ACSM1: variants seen among roughly 807,000 people sequenced by gnomAD.
ACSM1 encodes acyl-coenzyme A synthetase ACSM1, mitochondrial.
Under a neutral mutation model 75.8 loss-of-function variants are expected in ACSM1, and 79 were observed. That is an observed-to-expected ratio of 1.04 (90% CI 0.87 to 1.26). The LOEUF (loss-of-function observed/expected upper bound fraction) is 1.26. ACSM1 is among the 50% of genes most tolerant of loss of function. ACSM1 has a pLI of 0.00. For missense variants in ACSM1, 676 were observed against 720.1 expected, an observed-to-expected ratio of 0.94 and a Z score of 0.70; for synonymous variants, 279 against 265.8, an observed-to-expected ratio of 1.05 and a Z score of -0.48.
intron 4 of ACSM1, among the ~76,000 whole-genome samples, chr16:20,675,866 G>A (rs796383189): frequency 7.2e-5 from 11 of 152,246 alleles, no homozygotes; most frequent in African/African-American, 2.2e-4. Context: ...CTGCGCTGGC[G>A]GCTACGGAGT....
intron 4 of ACSM1, chr16:20,681,193 A>G (rs930458823): frequency 6.6e-6 from 1 of 152,238 alleles, no homozygotes; most frequent in Non-Finnish European, 1.5e-5. Flanking sequence ...TAACCAATGA[A>G]ACATCAAGGG....
chr16:20,695,527 T>C (rs2079684749), intron 1 of ACSM1, among the ~76,000 whole-genome samples: 2 of 152,164 alleles, frequency 1.3e-5, no homozygotes, highest in East Asian at 1.9e-4. Flanking sequence ...AGGACTGGTA[T>C]ATGTCCAGCT....
chr16:20,628,118 G>C (rs2017104666), intron 10 of ACSM1, among the ~76,000 whole-genome samples: 1 of 151,576 alleles, frequency 6.6e-6, no homozygotes, highest in African/African-American at 2.4e-5. Context: ...ATGTTTTTAA[G>C]TTAACTTTTC....
chr16:20,659,836 C>T (rs2019202942), intron 7 of ACSM1, among the ~76,000 whole-genome samples: 1 of 152,172 alleles, frequency 6.6e-6, no homozygotes, highest in Non-Finnish European at 1.5e-5. Flanking sequence ...ACAATCCTTT[C>T]TCTTAACCTG....
intron 10 of ACSM1, among the ~76,000 whole-genome samples, chr16:20,632,179 CAGAATA>C (rs2017391369): frequency 6.6e-6 from 1 of 151,946 alleles, no homozygotes; most frequent in African/African-American, 2.4e-5. Context: ...TTTAGGGAAC[CAGAATA>C]AGAAGAGCAA....
chr16:20,659,449 G>T (rs762793633), intron 7 of ACSM1, among the ~76,000 whole-genome samples: 17 of 152,064 alleles, frequency 1.1e-4, no homozygotes, highest in Admixed American at 2.6e-4. Flanking sequence ...CCTATCTAAG[G>T]TGCCTGGGGA....
intron 7 of ACSM1, among the ~76,000 whole-genome samples, chr16:20,658,356 C>G (rs2019097667): frequency 6.6e-6 from 1 of 152,144 alleles, no homozygotes; most frequent in Admixed American, 6.5e-5. Context: ...CTCTGATGGC[C>G]AGTGATGATG....
intron 1 of ACSM1, among the ~76,000 whole-genome samples, chr16:20,697,070 C>T (rs1489395419): frequency 1.3e-5 from 2 of 152,016 alleles, no homozygotes; most frequent in African/African-American, 4.8e-5. Flanking sequence ...CTGAAGCCAA[C>T]CCCCTCCCCA....
chr16:20,629,990 C>CA lies in ACSM1; in HGVS notation c.1300-2675dup, dbSNP rs558208317. ...CTGGAAACAGAGGGAGACTCCAACT[C>CA]AAAAAAAAAAAAAAAAAGACACAAA... On this transcript the variant is annotated intron_variant, in intron 10 of 13. Coordinates refer to ENST00000520010, the MANE Select transcript of ACSM1 (RefSeq NM_001318890.3). Among the ~76,000 whole-genome samples, 749 of 80,826 alleles carry CA rather than the reference C, an allele frequency of 9.3e-3. 19 individuals carry two copies. Among genetic ancestry groups the CA allele is most frequent in the South Asian group, 0.036 (92 of 2,570 alleles). 53.0% of individuals were successfully genotyped at this position (80,826 alleles called of 152,430 possible).
At chr16:20,647,566 A>G (rs1402576578) in intron 7 of ACSM1, among the ~76,000 whole-genome samples, 6 of 152,194 alleles carry the variant, frequency 3.9e-5, no homozygotes, top group African/African-American at 1.4e-4. Flanking sequence ...TCCAGTTTGA[A>G]TAAGGGCTAA....
chr16:20,626,381 A>G (rs1319800738), intron 11 of ACSM1, among the ~76,000 whole-genome samples: 1 of 151,980 alleles, frequency 6.6e-6, no homozygotes, highest in Non-Finnish European at 1.5e-5. Flanking sequence ...ATAAAATAAA[A>G]AAATAAAAAT....
intron 8 of ACSM1, among the ~76,000 whole-genome samples, chr16:20,639,951 C>G (rs1335541514): frequency 6.6e-6 from 1 of 152,162 alleles, no homozygotes; most frequent in African/African-American, 2.4e-5. Context: ...AACTACATGC[C>G]TCCGCCACAA....
intron 7 of ACSM1, among the ~76,000 whole-genome samples, chr16:20,651,397 G>C (rs1456918894): frequency 1.3e-5 from 2 of 152,160 alleles, no homozygotes; most frequent in Non-Finnish European, 2.9e-5. Flanking sequence ...AGGAGGCCGA[G>C]GTGGGCACAT....
intron 1 of ACSM1, among the ~76,000 whole-genome samples, chr16:20,697,426 G>T (rs887592234): frequency 8.6e-5 from 13 of 151,988 alleles, no homozygotes; most frequent in African/African-American, 3.1e-4. Context: ...TTACATGTAC[G>T]TTCCTATTTA....
intron 6 of ACSM1, among the ~76,000 whole-genome samples, chr16:20,669,354 G>A (rs2019750535): frequency 6.6e-6 from 1 of 151,838 alleles, no homozygotes; most frequent in East Asian, 1.9e-4. Flanking sequence ...TATGTAACCT[G>A]CTAGTTAATT....
chr16:20,671,119 T>C lies in ACSM1; in HGVS notation c.752+412A>G, dbSNP rs114044159. 3.9e-3 allele frequency among the ~76,000 whole-genome samples: 597 copies of C among 152,244 alleles called. 2 individuals are homozygous for C. Among genetic ancestry groups the C allele is most frequent in the African/African-American group, 0.013 (548 of 41,558 alleles). On this transcript the variant is annotated intron_variant, in intron 5 of 13. Coordinates refer to ENST00000520010, the MANE Select transcript of ACSM1 (RefSeq NM_001318890.3). ...AACCCTAAGTCTGATTTGCCCATAATAGGGGAGAGGTGAGGCTCTGTCATC... is the reference window on the plus strand; with the variant it reads ...AACCCTAAGTCTGATTTGCCCATAACAGGGGAGAGGTGAGGCTCTGTCATC...
chr16:20,673,719 T>C (rs2020098928), intron 4 of ACSM1, among the ~76,000 whole-genome samples: 1 of 152,184 alleles, frequency 6.6e-6, no homozygotes, highest in Admixed American at 6.5e-5. Flanking sequence ...CAATTCCATT[T>C]TTCTTGGGGT....
intron 7 of ACSM1, among the ~76,000 whole-genome samples, 181 bp from the exon 8 acceptor site, chr16:20,640,765 G>A (rs1042878611): frequency 5.9e-5 from 9 of 152,302 alleles, no homozygotes; most frequent in East Asian, 1.9e-4. Flanking sequence ...CAGTCCCTGC[G>A]AACTATTCTG....
chr16:20,683,806 G>C (rs2079497951), intron 3 of ACSM1, among the ~76,000 whole-genome samples: 1 of 151,368 alleles, frequency 6.6e-6, no homozygotes, highest in South Asian at 2.1e-4. Flanking sequence ...CTGACCTCAT[G>C]ATCCACCCAC....
Sources: allele counts gnomAD v4.1 joint callset (sites outside exome capture counted in the v4.1 genomes callset), GRCh38; gene constraint gnomAD v4.1.1; transcripts MANE v1.5; gene names NCBI Gene and HGNC (gene_info 2026-07-23, HGNC 2026-07-21).